Variants in RCN1 observed in about 807,000 individuals in gnomAD.
RCN1 encodes reticulocalbin 1.
Under a neutral mutation model 34.7 loss-of-function variants are expected in RCN1, and 14 were observed. The ratio of observed to expected loss-of-function variants is 0.40; its 90% CI spans 0.27 to 0.63. The LOEUF is 0.63. RCN1 is among the 30% of genes least tolerant of loss of function. The pLI is 0.37. For missense variants in RCN1, 326 were observed against 425.1 expected, an observed-to-expected ratio of 0.77 and a Z score of 2.05; for synonymous variants, 125 against 165.5, an observed-to-expected ratio of 0.76 and a Z score of 1.88.
rs1565351047 is a variant in RCN1, at chr11:32,100,574, CG to C, written c.658del (p.Asp220MetfsTer39). ...AAACCCTGGAGGACATCGACAAGAACGGGGATGGGTTTGTGGATCAGGATGA... is the reference window on the plus strand; with the variant it reads ...AAACCCTGGAGGACATCGACAAGAACGGGATGGGTTTGTGGATCAGGATGA... ...LETLEDIDKNGDGFVDQDEYI... is the reference protein window; with the variant it reads ...LETLEDIDKNXDGFVDQDEYI... On this transcript the variant is annotated frameshift_variant, in exon 4 of 6. Coordinates refer to ENST00000054950, the MANE Select transcript of RCN1 (RefSeq NM_002901.4). LOFTEE classifies it high-confidence loss of function. The C allele has an allele frequency of 1.2e-6, 2 of 1,613,906 alleles. No individual in the cohort carries two copies. Among genetic ancestry groups the C allele is most frequent in the Non-Finnish European group, 1.7e-6 (2 of 1,179,922 alleles).
At position 32,092,892 on chromosome 11, in the gene RCN1, A is replaced by C. The variant is rs199933406; in HGVS notation, c.254+1442A>C. Among the ~76,000 whole-genome samples, 15 of 152,302 alleles carry C rather than the reference A, an allele frequency of 9.8e-5. No homozygotes were observed. The East Asian group carries it at 2.5e-3, about 25-fold the overall frequency. On this transcript the variant is annotated intron_variant, in intron 1 of 5. Transcript: ENST00000054950. Reference sequence around the variant, plus strand: ...TGGAATATGAGGATAAATTATACCTATTGTGTAGGTGCACCATTTGCCTGC... The same window carrying C: ...TGGAATATGAGGATAAATTATACCTCTTGTGTAGGTGCACCATTTGCCTGC...
chr11:32,099,612 A>G (rs1391252497), intron 3 of RCN1, among the ~76,000 whole-genome samples: 1 of 152,078 alleles, frequency 6.6e-6, no homozygotes, highest in South Asian at 2.1e-4. Context: ...AAATGTCTTC[A>G]TTTTCCATGA....
At chr11:32,104,283 T>A in intron 5 of RCN1, 82 bp from the exon 6 acceptor site, 1 of 809,312 alleles carries the variant, frequency 1.2e-6, no homozygotes, top group Non-Finnish European at 2.1e-6. Context: ...ATGTTGTACA[T>A]CAGTGAAATG....
At chr11:32,093,940 G>T (rs2133472502) in intron 1 of RCN1, among the ~76,000 whole-genome samples, 1 of 152,284 alleles carries the variant, frequency 6.6e-6, no homozygotes, top group South Asian at 2.1e-4. Flanking sequence ...AGGCAGAACT[G>T]GCAGCTCTTG....
At chr11:32,104,215 T>A (rs1852080904) in intron 5 of RCN1, 150 bp from the exon 6 acceptor site, 1 of 578,482 alleles carries the variant, frequency 1.7e-6, no homozygotes, top group Non-Finnish European at 3.1e-6. Context: ...TGCAATGCAG[T>A]CATGGTAGAT....
intron 4 of RCN1, chr11:32,102,597 T>C (rs890484794): frequency 1.9e-5 from 3 of 158,714 alleles, no homozygotes; most frequent in East Asian, 1.9e-4. Context: ...AGAATTGTTA[T>C]AAGGATGAAA....
chr11:32,094,516 T>A (rs1851952107), intron 1 of RCN1, among the ~76,000 whole-genome samples: 1 of 152,162 alleles, frequency 6.6e-6, no homozygotes, highest in Non-Finnish European at 1.5e-5. Context: ...ATCAAAAGGT[T>A]TTGCTCATTC....
chr11:32,091,115 C>T lies in RCN1; in HGVS notation c.-82C>T. The T allele has an allele frequency of 1.5e-6, 2 of 1,358,892 alleles. No homozygotes were observed. Among genetic ancestry groups the T allele is most frequent in the South Asian group, 1.7e-5 (1 of 57,322 alleles). 84.2% of individuals were successfully genotyped at this position (1,358,892 alleles called of 1,614,324 possible). Reference sequence around the variant, plus strand: ...CCGGCCCCAACCCTGTCGCTGCCGCCGCGCTCCGAGTCCCCATTCCCGAGC... The same window carrying T: ...CCGGCCCCAACCCTGTCGCTGCCGCTGCGCTCCGAGTCCCCATTCCCGAGC... On this transcript the variant is annotated 5_prime_UTR_variant, in exon 1 of 6. Coordinates refer to ENST00000054950, the MANE Select transcript of RCN1 (RefSeq NM_002901.4).
chr11:32,096,747 C>T (rs943419421), intron 1 of RCN1: 1 of 168,892 alleles, frequency 5.9e-6, no homozygotes, highest in Non-Finnish European at 1.3e-5. Context: ...CTCTGGGCCT[C>T]AGTTTCCGTT....
intron 3 of RCN1, 23 bp downstream of exon 3, chr11:32,098,551 G>T (rs1477209659): frequency 3.8e-6 from 6 of 1,565,290 alleles, no homozygotes; most frequent in Non-Finnish European, 3.5e-6. Context: ...AAGAGTCTGG[G>T]CTGGGAAGAG....
chr11:32,091,558 G>A, intron 1 of RCN1, 108 bp downstream of exon 1: 2 of 1,418,304 alleles, frequency 1.4e-6, no homozygotes, highest in Non-Finnish European at 1.9e-6. Context: ...AATCGCGCGC[G>A]CGGCCTCGAG....
At chr11:32,096,907 G>A (rs1017140630) in intron 1 of RCN1, 28 of 450,470 alleles carry the variant, frequency 6.2e-5, no homozygotes, top group South Asian at 1.0e-4. Flanking sequence ...AGAGGGGCAC[G>A]ATCCATTAGC....
At chr11:32,104,262 T>C (rs1317771456) in intron 5 of RCN1, 103 bp from the exon 6 acceptor site, 3 of 696,764 alleles carry the variant, frequency 4.3e-6, no homozygotes, top group Non-Finnish European at 7.5e-6. Flanking sequence ...TTACTAAATA[T>C]AGTATTTTAA....
At chr11:32,094,420 T>G (rs984642689) in intron 1 of RCN1, among the ~76,000 whole-genome samples, 8 of 152,226 alleles carry the variant, frequency 5.3e-5, no homozygotes, top group Non-Finnish European at 1.0e-4. Context: ...GACACCTTTA[T>G]TCCCATGTGT....
intron 1 of RCN1, among the ~76,000 whole-genome samples, chr11:32,096,245 AT>A (rs1851971964): frequency 6.6e-6 from 1 of 152,120 alleles, no homozygotes. Context: ...AACACTGGGG[AT>A]AGCTTGGAGG....
chr11:32,097,227 A>G lies in RCN1; in HGVS notation c.338A>G (p.Lys113Arg), dbSNP rs1432348129. 6.2e-7 allele frequency: 1 copy of G among 1,608,894 alleles called. No homozygotes were observed. The highest frequency in any genetic ancestry group is 8.5e-7 in the Non-Finnish European group (1 of 1,178,392). The change falls in exon 2 of 6, where the codon AAA becomes AGA. Residue 113 changes from lysine to arginine, a missense_variant. By Grantham distance (26) the Lys-to-Arg change is conservative. Transcript: ENST00000054950. ...AAAACCTGGATCAAACGGGTGCAGA[A>G]AAGATACATCTTTGATAATGTCGCC... ...ELKTWIKRVQ[K>R]RYIFDNVAKV...
chr11:32,099,559 G>T (rs1852012315), intron 3 of RCN1, among the ~76,000 whole-genome samples: 1 of 152,180 alleles, frequency 6.6e-6, no homozygotes, highest in African/African-American at 2.4e-5. Context: ...TGCTTGTAAG[G>T]CCTCAGAATG....
At chr11:32,101,799 C>T (rs1012727090) in intron 4 of RCN1, among the ~76,000 whole-genome samples, 1 of 152,134 alleles carries the variant, frequency 6.6e-6, no homozygotes, top group African/African-American at 2.4e-5. Context: ...GGGTCACGTT[C>T]GGAGGCGCAG....
At chr11:32,091,619 G>A in intron 1 of RCN1, 169 bp downstream of exon 1, 1 of 834,160 alleles carries the variant, frequency 1.2e-6, no homozygotes, top group Non-Finnish European at 1.7e-6. Context: ...CTTGCTGGAG[G>A]GCCCCGGGAC....
Sources: gnomAD v4.1 joint callset for allele counts (sites outside exome capture counted in the v4.1 genomes callset) on GRCh38, gnomAD v4.1.1 for gene constraint, MANE v1.5 for transcripts, NCBI Gene and HGNC (gene_info 2026-07-23, HGNC 2026-07-21) for gene names.